The following CDH13 variants were observed in gnomAD, a reference collection of about 807,000 sequenced individuals.
CDH13 encodes cadherin-13.
Under a neutral mutation model 63.8 loss-of-function variants are expected in CDH13, and 24 were observed. The observed-to-expected ratio is 0.38, with a 90% CI of 0.27 to 0.53. The LOEUF is 0.53. CDH13 is among the 20% of genes least tolerant of loss of function. CDH13 has a pLI of 0.85. For missense variants in CDH13, 1,049 were observed against 903.1 expected, an observed-to-expected ratio of 1.16 and a Z score of -2.07; for synonymous variants, 503 against 355.3, an observed-to-expected ratio of 1.42 and a Z score of -4.67.
At chr16:83,276,714 C>A (rs1385145181) in intron 5 of CDH13, among the ~76,000 whole-genome samples, 1 of 151,954 alleles carries the variant, frequency 6.6e-6, no homozygotes, top group South Asian at 2.1e-4. Flanking sequence ...ACTAAAAATA[C>A]AAAAAAATTA....
rs531917759 is a variant in CDH13, at chr16:82,658,290, G to T, written c.45+31153G>T. On this transcript the variant is annotated intron_variant, in intron 1 of 13. Transcript: ENST00000567109. Reference sequence around the variant, plus strand: ...TATTATGCTTCCCATTTTACAGAAAGTAATGCCAGAAGAAAACAGTGCACA... The same window carrying T: ...TATTATGCTTCCCATTTTACAGAAATTAATGCCAGAAGAAAACAGTGCACA... Among the ~76,000 whole-genome samples the T allele has an allele frequency of 1.0e-3, 154 of 152,330 alleles. 2 individuals are homozygous for T. The highest frequency in any genetic ancestry group is 3.5e-3 in the African/African-American group (146 of 41,588).
At chr16:83,032,483 T>C (rs1406974291) in intron 3 of CDH13, among the ~76,000 whole-genome samples, 1 of 152,150 alleles carries the variant, frequency 6.6e-6, no homozygotes. Context: ...GCTGAAGCTG[T>C]CCAAATCAGC....
intron 3 of CDH13, among the ~76,000 whole-genome samples, chr16:83,061,441 A>C (rs1298405990): frequency 6.6e-6 from 1 of 152,190 alleles, no homozygotes; most frequent in Non-Finnish European, 1.5e-5. Context: ...TCCCTGTGCC[A>C]ACCCCGGAAT....
intron 6 of CDH13, among the ~76,000 whole-genome samples, chr16:83,425,260 C>G (rs549999167): frequency 1.9e-4 from 29 of 152,282 alleles, no homozygotes; most frequent in African/African-American, 6.7e-4. Flanking sequence ...AAATGGGACC[C>G]AATATGTCAT....
chr16:82,716,861 A>G (rs2032410038), intron 1 of CDH13, among the ~76,000 whole-genome samples: 2 of 151,898 alleles, frequency 1.3e-5, no homozygotes, highest in Admixed American at 6.6e-5. Context: ...TGCCTCAAGC[A>G]GAAGCCTTAC....
chr16:82,636,823 T>A (rs1372531519), intron 1 of CDH13, among the ~76,000 whole-genome samples: 1 of 152,210 alleles, frequency 6.6e-6, no homozygotes, highest in Admixed American at 6.5e-5. Flanking sequence ...ATGTAAATAC[T>A]CCCGTCATGG....
chr16:83,765,536 TTCTA>T (rs1914314369), intron 11 of CDH13, among the ~76,000 whole-genome samples: 2 of 55,050 alleles, frequency 3.6e-5, no homozygotes, highest in Non-Finnish European at 7.5e-5. Flanking sequence ...ATTAACATTT[TTCTA>T]TATATATATA....
intron 4 of CDH13, among the ~76,000 whole-genome samples, chr16:83,192,373 C>T (rs1023217288): frequency 6.6e-6 from 1 of 152,178 alleles, no homozygotes; most frequent in Admixed American, 6.5e-5. Flanking sequence ...AGGGTCTTCT[C>T]CTGCCTTGAG....
intron 2 of CDH13, among the ~76,000 whole-genome samples, chr16:82,907,981 G>T (rs905325831): frequency 2.0e-5 from 3 of 152,046 alleles, no homozygotes; most frequent in Non-Finnish European, 4.4e-5. Flanking sequence ...TGGTGCTTCT[G>T]CCCTAAGACC....
rs937780971 is a variant in CDH13, at chr16:82,644,370, C to A, written c.45+17233C>A. ...CTCCCTCTGTGCTCTCCATCACCCC[C>A]CTACGGAGTTCCTTTGATTCTCAGG... On this transcript the variant is annotated intron_variant, in intron 1 of 13. Transcript: ENST00000567109. The surrounding 1 kb of genome is among the most constrained non-coding windows in gnomAD (Gnocchi z 5.7). 8.5e-5 allele frequency among the ~76,000 whole-genome samples: 13 copies of A among 152,284 alleles called. No homozygotes were observed. The highest frequency in any genetic ancestry group is 5.9e-4 in the Admixed American group (9 of 15,292).
chr16:83,092,810 C>A (rs1380676642), intron 3 of CDH13, among the ~76,000 whole-genome samples: 2 of 152,180 alleles, frequency 1.3e-5, no homozygotes, highest in African/African-American at 4.8e-5. Flanking sequence ...TCCCAAGAGA[C>A]TCCAAATTTA....
chr16:82,661,857 C>A (rs58290026), intron 1 of CDH13, among the ~76,000 whole-genome samples: 5,700 of 152,280 alleles, frequency 0.037, 337 homozygotes, highest in African/African-American at 0.13. Flanking sequence ...AAGGTATGTC[C>A]TGTAATTAGG....
At chr16:83,398,690 T>G (rs2091923859) in intron 6 of CDH13, among the ~76,000 whole-genome samples, 1 of 152,208 alleles carries the variant, frequency 6.6e-6, no homozygotes, top group Admixed American at 6.5e-5. Flanking sequence ...TCACAGTTGA[T>G]GCTAAAAGTT....
chr16:83,267,308 C>T (rs190809136), intron 5 of CDH13, among the ~76,000 whole-genome samples: 238 of 152,262 alleles, frequency 1.6e-3, no homozygotes, highest in Middle Eastern at 0.01. Flanking sequence ...CTCCCTCTTC[C>T]TGCTTTATCA....
intron 5 of CDH13, among the ~76,000 whole-genome samples, chr16:83,259,529 A>G (rs546795112): frequency 1.6e-4 from 25 of 152,294 alleles, no homozygotes; most frequent in African/African-American, 5.3e-4. Context: ...TATGTTACAA[A>G]TGCATCCAAA....
chr16:82,852,736 C>G (rs1416669501), intron 1 of CDH13, among the ~76,000 whole-genome samples: 1 of 152,174 alleles, frequency 6.6e-6, no homozygotes, highest in Non-Finnish European at 1.5e-5. Flanking sequence ...TGAGCAGAAA[C>G]AAGAACCAGG....
At chr16:83,322,512 A>T (rs1211669263) in intron 5 of CDH13, among the ~76,000 whole-genome samples, 1 of 152,298 alleles carries the variant, frequency 6.6e-6, no homozygotes, top group African/African-American at 2.4e-5. Flanking sequence ...CATATACACT[A>T]GACACTGGGG....
chr16:83,666,408 A>G (rs1209149383), intron 8 of CDH13, among the ~76,000 whole-genome samples: 4 of 152,246 alleles, frequency 2.6e-5, no homozygotes, highest in Non-Finnish European at 1.5e-5. Context: ...AAATACTATA[A>G]TAATTGTGTT....
intron 6 of CDH13, among the ~76,000 whole-genome samples, chr16:83,456,440 A>G (rs1052094952): frequency 5.9e-5 from 9 of 152,206 alleles, no homozygotes; most frequent in African/African-American, 2.2e-4. Context: ...GGTCAGTTGC[A>G]GTACAACGTG....
Sources: allele counts gnomAD v4.1 joint callset (sites outside exome capture counted in the v4.1 genomes callset), GRCh38; gene constraint gnomAD v4.1.1; non-coding constraint Gnocchi (gnomAD v3.1); transcripts MANE v1.5; gene names NCBI Gene and HGNC (gene_info 2026-07-23, HGNC 2026-07-21).